Variants in PTPRC observed in about 807,000 individuals in gnomAD.
PTPRC encodes the protein protein tyrosine phosphatase receptor type C, also known as receptor-type tyrosine-protein phosphatase C.
PTPRC carries 44 observed loss-of-function variants against 155.9 expected under a neutral mutation model. The ratio of observed to expected loss-of-function variants is 0.28; its 90% CI spans 0.22 to 0.36. The LOEUF is 0.36. PTPRC is among the 10% of genes least tolerant of loss of function. The probability of loss-of-function intolerance (pLI) is 1.00; values close to 1 mark genes in which losing one functional copy is unlikely to be tolerated. For synonymous variants in PTPRC, 525 were observed against 533.1 expected (o/e 0.98, Z 0.21); for missense variants, 1,401 against 1,564.6 (o/e 0.90, Z 1.76).
intron 23 of PTPRC, among the ~76,000 whole-genome samples, chr1:198,736,328 C>G (rs1007489148): frequency 3.3e-5 from 5 of 151,536 alleles, no homozygotes; most frequent in African/African-American, 4.8e-5. Context: ...ATCACCATTT[C>G]CACCCCTGCC....
chr1:198,742,118 G>T, intron 24 of PTPRC, 92 bp downstream of exon 24: 1 of 1,600,504 alleles, frequency 6.2e-7, no homozygotes, highest in Non-Finnish European at 8.6e-7. Flanking sequence ...TTTCCCTTTG[G>T]CAATTGCTAT....
Position 198,639,071 on chromosome 1 carries a change from C to A in PTPRC, c.-110C>A. On this transcript the variant is annotated 5_prime_UTR_variant, in exon 1 of 33. Transcript: ENST00000442510. Reference sequence around the variant, plus strand: ...ATCACCTAGCAGTTCATGCAGCTAGCAAGTGGTTTGTTCTTAGGGTAACAG... The same window carrying A: ...ATCACCTAGCAGTTCATGCAGCTAGAAAGTGGTTTGTTCTTAGGGTAACAG... 1 of 581,502 alleles carries A rather than the reference C, an allele frequency of 1.7e-6. No homozygotes were observed. 36.0% of individuals were successfully genotyped at this position (581,502 alleles called of 1,614,324 possible).
intron 3 of PTPRC, among the ~76,000 whole-genome samples, chr1:198,695,709 G>A (rs1168112321): frequency 6.6e-6 from 1 of 151,966 alleles, no homozygotes; most frequent in African/African-American, 2.4e-5. Context: ...TTGAGCTGTG[G>A]ATATTATTTC....
rs182340910 is a variant in PTPRC at position 198,755,242 on chromosome 1, G to A, written c.3646-664G>A. Among the ~76,000 whole-genome samples the A allele has an allele frequency of 5.9e-5, 9 of 152,144 alleles. No homozygotes were observed. The East Asian group carries it at 7.8e-4, about 13-fold the overall frequency. On this transcript the variant is annotated intron_variant, in intron 32 of 32. Transcript: ENST00000442510. ...AAATAAGTTTTATATTCTTGTAATC[G>A]ATCTATCGTGTATACCCTCTATGTG...
At chr1:198,744,534 C>G (rs79522986) in intron 26 of PTPRC, among the ~76,000 whole-genome samples, 2,071 of 151,944 alleles carry the variant, frequency 0.014, 43 homozygotes, top group African/African-American at 0.047. Flanking sequence ...AGCATATCAC[C>G]TTTAAAAATC....
At chr1:198,704,385 G>T (rs1666619552) in intron 7 of PTPRC, 87 bp from the exon 8 acceptor site, 2 of 1,593,760 alleles carry the variant, frequency 1.3e-6, no homozygotes, top group Non-Finnish European at 1.7e-6. Flanking sequence ...TGAAGTAGAA[G>T]TATTGTAAAT....
At chr1:198,671,156 CTCACTTT>C (rs72179873) in intron 2 of PTPRC, among the ~76,000 whole-genome samples, 21,114 of 151,158 alleles carry the variant, frequency 0.14, 1,560 homozygotes, top group South Asian at 0.2. Context: ...AGTCTACACT[CTCACTTT>C]TCACTAACCC....
rs12403075 is a variant in PTPRC, at chr1:198,752,063, T to C, written c.3208-186T>C. Among the ~76,000 whole-genome samples, 25,454 of 152,034 alleles carry C rather than the reference T, an allele frequency of 0.17. 2,427 individuals are homozygous for C. Among genetic ancestry groups the C allele is most frequent in the East Asian group, 0.26 (1,325 of 5,142 alleles). On this transcript the variant is annotated intron_variant, in intron 29 of 32. Transcript: ENST00000442510. ...TACACAAGGAAACACCACATATTTATTAAATGGGTCGCCAGCACTTAAATA... is the reference window on the plus strand; with the variant it reads ...TACACAAGGAAACACCACATATTTACTAAATGGGTCGCCAGCACTTAAATA...
At chr1:198,734,524 A>G in intron 22 of PTPRC, 99 bp downstream of exon 22, 1 of 997,834 alleles carries the variant, frequency 1.0e-6, no homozygotes, top group Non-Finnish European at 1.6e-6. Context: ...TGATGACTAA[A>G]ACAGAGAGTT....
At chr1:198,733,127 T>G (rs936091665) in intron 20 of PTPRC, among the ~76,000 whole-genome samples, 1 of 151,824 alleles carries the variant, frequency 6.6e-6, no homozygotes, top group African/African-American at 2.4e-5. Context: ...AAAATTTAAT[T>G]TATTATACAA....
At chr1:198,744,770 GT>G (rs1223639524) in intron 26 of PTPRC, among the ~76,000 whole-genome samples, 1 of 151,576 alleles carries the variant, frequency 6.6e-6, no homozygotes, top group African/African-American at 2.4e-5. Context: ...AATGTTTTGT[GT>G]TTTTTTTGTT....
chr1:198,657,131 C>T (rs1001566359), intron 2 of PTPRC, among the ~76,000 whole-genome samples: 8 of 151,360 alleles, frequency 5.3e-5, no homozygotes, highest in Admixed American at 4.0e-4. Context: ...TCTAGTAAAG[C>T]AAAGTTCATT....
chr1:198,732,925 T>C (rs1654460997), intron 20 of PTPRC, among the ~76,000 whole-genome samples: 1 of 151,820 alleles, frequency 6.6e-6, no homozygotes, highest in South Asian at 2.1e-4. Context: ...GTTAATTACC[T>C]TGTTGTTGTT....
intron 2 of PTPRC, among the ~76,000 whole-genome samples, chr1:198,643,467 C>G (rs185698074): frequency 6.6e-6 from 1 of 151,868 alleles, no homozygotes; most frequent in African/African-American, 2.4e-5. Flanking sequence ...ATGAAGACAG[C>G]AGGACTATTT....
chr1:198,737,798 A>AAT (rs1654717533), intron 23 of PTPRC, among the ~76,000 whole-genome samples: 2 of 151,758 alleles, frequency 1.3e-5, no homozygotes, highest in South Asian at 4.1e-4. Context: ...ATGAACATGG[A>AAT]ATAGCTTTCC....
In PTPRC at chr1:198,731,750, A is replaced by G; in HGVS notation, c.1974+24A>G. The G allele has an allele frequency of 2.6e-6, 4 of 1,525,618 alleles. No homozygotes were observed. The South Asian group carries it at 4.5e-5, about 17-fold the overall frequency. The allele number at this position is 1,525,618 out of a possible 1,614,324, so 94.5% of individuals were successfully genotyped here. ...AGGTGTGTGTTGCTTTTGTTATATGATGATAAATTCGACATCAAGACAGTT... is the reference window on the plus strand; with the variant it reads ...AGGTGTGTGTTGCTTTTGTTATATGGTGATAAATTCGACATCAAGACAGTT... On this transcript the variant is annotated intron_variant, in intron 18 of 32. Transcript: ENST00000442510.
intron 4 of PTPRC, 42 bp downstream of exon 4, chr1:198,696,951 C>A: frequency 6.6e-7 from 1 of 1,521,102 alleles, no homozygotes; most frequent in Non-Finnish European, 9.1e-7. Context: ...CAGGGAATGT[C>A]ATTTAGAAAA....
At chr1:198,708,068 G>C in intron 9 of PTPRC, 65 bp from the exon 10 acceptor site, 1 of 1,462,186 alleles carries the variant, frequency 6.8e-7, no homozygotes, top group Non-Finnish European at 9.5e-7. Context: ...TGTTAGGAAT[G>C]AATGAGGGCT....
intron 2 of PTPRC, among the ~76,000 whole-genome samples, chr1:198,672,079 A>G (rs761875528): frequency 5.3e-5 from 8 of 152,196 alleles, no homozygotes; most frequent in Non-Finnish European, 5.9e-5. Flanking sequence ...CTGTAACCTA[A>G]AGTTACATCT....
Sources: allele counts gnomAD v4.1 joint callset (sites outside exome capture counted in the v4.1 genomes callset), GRCh38; gene constraint gnomAD v4.1.1; transcripts MANE v1.5; gene names NCBI Gene and HGNC (gene_info 2026-07-23, HGNC 2026-07-21).